The following DDX4 variants were observed in gnomAD, a reference collection of about 807,000 sequenced individuals.
DDX4 encodes the protein DEAD-box helicase 4.
In DDX4, 25 loss-of-function variants were observed where a neutral mutation model predicts 100.0. The ratio of observed to expected loss-of-function variants is 0.25; its 90% CI spans 0.18 to 0.35. The LOEUF is 0.35. Among genes scored for constraint, DDX4 ranks in the 10% least tolerant of loss-of-function variants. DDX4 has a pLI of 1.00. For missense variants in DDX4, 635 were observed against 882.4 expected (o/e 0.72, Z 3.55); for synonymous variants, 259 against 275.7 (o/e 0.94, Z 0.60).
chr5:55,813,826 A>G (rs1161739487), intron 19 of DDX4, 54 bp downstream of exon 19: 6 of 1,473,824 alleles, frequency 4.1e-6, no homozygotes, highest in Non-Finnish European at 5.4e-6. Flanking sequence ...TTTGGTATTT[A>G]AGAAACATCA....
intron 7 of DDX4, among the ~76,000 whole-genome samples, chr5:55,773,641 T>G (rs1741385812): frequency 6.6e-6 from 1 of 152,150 alleles, no homozygotes; most frequent in African/African-American, 2.4e-5. Flanking sequence ...TTTTTTATTT[T>G]TTTGAGACAG....
chr5:55,746,125 A>G (rs1401280711), intron 2 of DDX4, 39 bp from the exon 3 acceptor site: 2 of 1,518,374 alleles, frequency 1.3e-6, no homozygotes, highest in Admixed American at 1.9e-5. Context: ...GTTCATATTC[A>G]AAGTAGGAAA....
chr5:55,801,083 A>T lies in DDX4; in HGVS notation c.1615+2512A>T, dbSNP rs182020508. Among the ~76,000 whole-genome samples, 286 of 152,266 alleles carry T rather than the reference A, an allele frequency of 1.9e-3. 1 individual carries two copies. The highest frequency in any genetic ancestry group is 3.4e-3 in the Middle Eastern group (1 of 294). ...GTTACAGCTAGTCAAAAGGAGAATT[A>T]AAAAAATACATGTATATTTAGGCCA... On this transcript the variant is annotated intron_variant, in intron 18 of 21. Coordinates refer to ENST00000505374, the MANE Select transcript of DDX4 (RefSeq NM_024415.3).
At chr5:55,768,958 T>C (rs1580545815) in intron 7 of DDX4, among the ~76,000 whole-genome samples, 1 of 152,244 alleles carries the variant, frequency 6.6e-6, no homozygotes, top group African/African-American at 2.4e-5. Flanking sequence ...GTCCACTTTT[T>C]AACGGAGTTG....
rs141580379 is a variant in DDX4, at chr5:55,758,933, G to T, written c.128-1267G>T. On this transcript the variant is annotated intron_variant, in intron 3 of 21. Coordinates refer to ENST00000505374, the MANE Select transcript of DDX4 (RefSeq NM_024415.3). ...AGACAAGGTCTCTTTCTGTTTCCCA[G>T]GCTGGAGTGCAGTGGTTTAATAATA... 3.3e-3 allele frequency among the ~76,000 whole-genome samples: 485 copies of T among 148,270 alleles called. 4 individuals are homozygous for T. The highest frequency in any genetic ancestry group is 0.012 in the African/African-American group (472 of 40,134).
intron 21 of DDX4, 29 bp from the exon 22 acceptor site, chr5:55,816,434 C>CTT (rs71602915): frequency 0.12 from 165,275 of 1,421,356 alleles, 1,286 homozygotes; most frequent in Middle Eastern, 0.13. Context: ...TTGTTTGTTT[C>CTT]TTTTTTTTTT....
At chr5:55,782,372 A>T (rs917539323) in intron 10 of DDX4, 1 of 178,674 alleles carries the variant, frequency 5.6e-6, no homozygotes, top group African/African-American at 2.4e-5. Flanking sequence ...TCGGAGGCCT[A>T]GGCAGGCAGA....
At position 55,767,939 on chromosome 5, in the gene DDX4, C is replaced by A; in HGVS notation, c.393C>A (p.Gly131=). Residue 131 remains glycine (G), a splice_region_variant and synonymous_variant, in exon 7 of 22, where the codon GGC becomes GGA. Transcript: ENST00000505374. ...PTRNRGFSKR[G]GYRDGNNSEA... ...GGAACAGAGGGTTTTCCAAGAGAGG[C>A]GGTAAGGACCACATTTTGGAACAAT... 1 of 1,613,538 alleles carries A rather than the reference C, an allele frequency of 6.2e-7. No individual in the cohort carries two copies. Among genetic ancestry groups the A allele is most frequent in the Non-Finnish European group, 8.5e-7 (1 of 1,179,598 alleles).
intron 7 of DDX4, among the ~76,000 whole-genome samples, chr5:55,770,748 A>C (rs898943873): frequency 1.3e-5 from 2 of 152,238 alleles, no homozygotes; most frequent in African/African-American, 4.8e-5. Context: ...TCTTATGATA[A>C]TTGTGGAGAG....
At chr5:55,760,381 T>C (rs1158481837) in intron 4 of DDX4, 104 bp downstream of exon 4, 4 of 1,176,060 alleles carry the variant, frequency 3.4e-6, no homozygotes, top group South Asian at 2.0e-5. Context: ...TGTAAGTCAG[T>C]GTGTAGTAGA....
intron 3 of DDX4, among the ~76,000 whole-genome samples, chr5:55,759,998 A>G (rs1027582008): frequency 1.3e-5 from 2 of 151,600 alleles, no homozygotes; most frequent in Non-Finnish European, 2.9e-5. Flanking sequence ...TTTATGAATC[A>G]GATTTAGTCA....
intron 2 of DDX4, among the ~76,000 whole-genome samples, chr5:55,743,492 C>CA (rs1476039342): frequency 6.6e-6 from 1 of 152,160 alleles, no homozygotes; most frequent in African/African-American, 2.4e-5. Flanking sequence ...TGCAGTGGCG[C>CA]AATCTCGGCT....
In DDX4 at chr5:55,815,015, A is replaced by G. The variant is rs538640663; in HGVS notation, c.1830A>G (p.Gln610=). 272 of 1,614,188 alleles carry G rather than the reference A, an allele frequency of 1.7e-4. 4 individuals carry two copies. In the South Asian group the frequency reaches 2.8e-3, roughly 17 times the overall value. ...AARGLDIENV[Q]HVINFDLPST... ...GAGGGCTGGATATTGAAAATGTGCA[A>G]CATGTTATCAATTTTGATCTTCCTT... is the stretch of plus-strand genomic sequence containing the variant. Residue 610 remains glutamine (Q), a synonymous_variant, in exon 20 of 22, where the codon CAA becomes CAG. Transcript: ENST00000505374.
Position 55,813,580 on chromosome 5 carries a change from A to G in DDX4, c.1616-93A>G, listed in dbSNP as rs141941504. On this transcript the variant is annotated intron_variant, in intron 18 of 21. Transcript: ENST00000505374. ...CTGGTAGTAAATACAGTGGTGGACA[A>G]AGTTTCATATTCAAGCACTGCCTCC... 1.3e-3 allele frequency: 1,805 copies of G among 1,419,702 alleles called. 3 individuals carry two copies. The highest frequency in any genetic ancestry group is 5.0e-3 in the African/African-American group (342 of 68,490). 87.9% of individuals were successfully genotyped at this position (1,419,702 alleles called of 1,614,324 possible). A position where few individuals can be genotyped will look rare whatever the true frequency, so the allele number is the denominator to read the frequency against.
At chr5:55,812,637 A>G (rs1317662042) in intron 18 of DDX4, among the ~76,000 whole-genome samples, 1 of 151,646 alleles carries the variant, frequency 6.6e-6, no homozygotes, top group Non-Finnish European at 1.5e-5. Context: ...CTTGTCTTTC[A>G]CTCTTCCTTA....
Position 55,780,249 on chromosome 5 carries a change from GGTTAA to G in DDX4, c.496+190_496+194del, listed in dbSNP as rs575439886. Among the ~76,000 whole-genome samples, 148 of 152,220 alleles carry G rather than the reference GGTTAA, an allele frequency of 9.7e-4. No homozygotes were observed. The Middle Eastern group carries it at 0.01, about 10-fold the overall frequency. On this transcript the variant is annotated intron_variant, in intron 8 of 21. Coordinates refer to ENST00000505374, the MANE Select transcript of DDX4 (RefSeq NM_024415.3). ...TTTTAGAGAGATTTGATTGCATATT[GGTTAA>G]GTTAAAATATATGAATTTAAAAAAT...
chr5:55,747,525 C>T (rs1273009017), intron 3 of DDX4, among the ~76,000 whole-genome samples: 1 of 152,162 alleles, frequency 6.6e-6, no homozygotes, highest in Admixed American at 6.5e-5. Flanking sequence ...CTTGCCTGGG[C>T]AATGGAGCAA....
chr5:55,769,150 C>T (rs1362315351), intron 7 of DDX4, among the ~76,000 whole-genome samples: 6 of 152,022 alleles, frequency 3.9e-5, no homozygotes, highest in Non-Finnish European at 8.8e-5. Flanking sequence ...ATTTTTGTTT[C>T]TGTTGCGGTG....
chr5:55,809,099 G>A (rs1003641198), intron 18 of DDX4, among the ~76,000 whole-genome samples: 1 of 152,224 alleles, frequency 6.6e-6, no homozygotes, highest in Non-Finnish European at 1.5e-5. Flanking sequence ...CTCCATGGGG[G>A]TAGGACCCTT....
Sources: allele counts gnomAD v4.1 joint callset (sites outside exome capture counted in the v4.1 genomes callset), GRCh38; gene constraint gnomAD v4.1.1; transcripts MANE v1.5; gene names NCBI Gene and HGNC (gene_info 2026-07-23, HGNC 2026-07-21).